The following PNKD variants were observed in gnomAD, a reference collection of about 807,000 sequenced individuals.
PNKD encodes PNKD metallo-beta-lactamase domain containing, also known as probable thioesterase PNKD.
In PNKD, 36 loss-of-function variants were observed where a neutral mutation model predicts 45.3. The observed-to-expected ratio is 0.80, with a 90% CI of 0.61 to 1.05. The LOEUF is 1.05. Ranked by LOEUF, PNKD falls within the 50% of genes least tolerant of loss-of-function variation. The pLI is 0.00. For synonymous variants in PNKD, 197 were observed against 210.1 expected (o/e 0.94, Z 0.54); for missense variants, 511 against 506.6 (o/e 1.01, Z -0.08).
Position 218,343,579 on chromosome 2 carries a change from G to T in PNKD, c.861G>T (p.Leu287=), listed in dbSNP as rs890955099. Residue 287 remains leucine (L), a synonymous_variant, in exon 8 of 10, where the codon CTG becomes CTT. Coordinates refer to ENST00000273077, the MANE Select transcript of PNKD (RefSeq NM_015488.5). ...TVLGLGDDTL[L]WPGHEYAEEN... Reference sequence around the variant, plus strand: ...TGGGGCTAGGGGATGACACCCTTCTGTGGCCTGGTGAGACACCCCCTTACT... The same window carrying T: ...TGGGGCTAGGGGATGACACCCTTCTTTGGCCTGGTGAGACACCCCCTTACT... 2 of 1,611,844 alleles carry T rather than the reference G, an allele frequency of 1.2e-6. No individual in the cohort carries two copies. Among genetic ancestry groups the T allele is most frequent in the Admixed American group, 1.7e-5 (1 of 59,770 alleles).
Position 218,340,613 on chromosome 2 carries a change from T to C in PNKD, c.466-115T>C. 2 of 805,412 alleles carry C rather than the reference T, an allele frequency of 2.5e-6. No homozygotes were observed. 49.9% of individuals were successfully genotyped at this position (805,412 alleles called of 1,614,324 possible). On this transcript the variant is annotated intron_variant, in intron 4 of 9. Coordinates refer to ENST00000273077, the MANE Select transcript of PNKD (RefSeq NM_015488.5). The surrounding 1 kb of genome is among the most constrained non-coding windows in gnomAD (Gnocchi z 4.2). Reference sequence around the variant, plus strand: ...CTCCAGCTCCATCCCTTTCCTCTGCTTCATCTCTCCATGCTCTCCTCTCCT... The same window carrying C: ...CTCCAGCTCCATCCCTTTCCTCTGCCTCATCTCTCCATGCTCTCCTCTCCT...
At chr2:218,281,961 G>A (rs1367000741) in intron 2 of PNKD, 7 of 1,601,080 alleles carry the variant, frequency 4.4e-6, no homozygotes, top group Non-Finnish European at 6.0e-6. Context: ...GGCATCGGGT[G>A]GGTGGGGGGC....
In PNKD at chr2:218,315,057, T is replaced by TCTTTCTTTCTTTCTTTCTTTCTTTCTTC. The variant is rs61429059; in HGVS notation, c.237-24723_237-24722insTCTTTCTTTCTTTCTTTCTTTCTTCCTT. ...CTTTCTTTTTCTTTCTTTCTTTCTTTCTTCCTTCCTTCCTTCCTTTCTTTC... is the reference window on the plus strand; with the variant it reads ...CTTTCTTTTTCTTTCTTTCTTTCTTTCTTTCTTTCTTTCTTTCTTTCTTTCTTCCTTCCTTCCTTCCTTCCTTTCTTTC... On this transcript the variant is annotated intron_variant, in intron 2 of 9. Transcript: ENST00000273077. 1.6e-3 allele frequency among the ~76,000 whole-genome samples: 90 copies of TCTTTCTTTCTTTCTTTCTTTCTTTCTTC among 55,616 alleles called. 9 individuals are homozygous for TCTTTCTTTCTTTCTTTCTTTCTTTCTTC. The highest frequency in any genetic ancestry group is 4.9e-3 in the African/African-American group (82 of 16,710). The allele number at this position is 55,616 out of a possible 152,430, so 36.5% of individuals were successfully genotyped here.
intron 2 of PNKD, among the ~76,000 whole-genome samples, chr2:218,315,202 C>T (rs1310904992): frequency 2.0e-5 from 3 of 149,708 alleles, no homozygotes; most frequent in Non-Finnish European, 3.0e-5. Context: ...AGTGCAGTGG[C>T]GTGATCTCAG....
At chr2:218,306,372 A>C (rs1173486531) in intron 2 of PNKD, among the ~76,000 whole-genome samples, 2 of 152,170 alleles carry the variant, frequency 1.3e-5, no homozygotes, top group African/African-American at 4.8e-5. Flanking sequence ...CCCTCTTATC[A>C]TTTCAGTCAT....
intron 2 of PNKD, chr2:218,280,199 A>G (rs768443297): frequency 1.8e-6 from 2 of 1,100,926 alleles, no homozygotes; most frequent in Admixed American, 1.7e-5. Context: ...CTCCCTGACA[A>G]TCTCAAAGTC....
At chr2:218,277,509 C>A in intron 2 of PNKD, 2 of 1,609,008 alleles carry the variant, frequency 1.2e-6, no homozygotes. Flanking sequence ...TGAATGACTT[C>A]AAAATCACCA....
At chr2:218,277,192 T>G (rs1691306637) in intron 2 of PNKD, 2 of 1,230,444 alleles carry the variant, frequency 1.6e-6, no homozygotes, top group Admixed American at 1.8e-5. Context: ...TGCTGCCTCC[T>G]AGGGGGTATG....
chr2:218,334,677 G>T, intron 2 of PNKD: 1 of 701,440 alleles, frequency 1.4e-6, no homozygotes. Context: ...TTGCATTTTT[G>T]GCACAAATAC....
chr2:218,270,596 C>A lies in PNKD; in HGVS notation c.61C>A (p.Leu21Ile). 1.9e-6 allele frequency: 2 copies of A among 1,060,908 alleles called. No homozygotes were observed. The highest frequency in any genetic ancestry group is 2.5e-6 in the Non-Finnish European group (2 of 804,734). 65.7% of individuals were successfully genotyped at this position (1,060,908 alleles called of 1,614,324 possible). A position where few individuals can be genotyped will look rare whatever the true frequency, so the allele number is the denominator to read the frequency against. ...KGRGARNARVLRGILAGATAN... is the reference protein window; with the variant it reads ...KGRGARNARVIRGILAGATAN... ...CCGGGGGGCGAGAAATGCCCGCGTC[C>A]TCCGGGGTAAGGAGAGGGACCCCGG... The change falls in exon 1 of 10, where the codon CTC becomes ATC. Residue 21 changes from leucine (L) to isoleucine (I), a missense_variant. By Grantham distance (5) the Leu-to-Ile change is conservative. Coordinates refer to ENST00000273077, the MANE Select transcript of PNKD (RefSeq NM_015488.5).
At chr2:218,305,587 T>C (rs1244706882) in intron 2 of PNKD, among the ~76,000 whole-genome samples, 3 of 152,100 alleles carry the variant, frequency 2.0e-5, no homozygotes, top group East Asian at 1.9e-4. Context: ...TCTAGACAAT[T>C]TTCCGATCCA....
chr2:218,324,997 CTTTTTTTTTTTTTTTTTT>C (rs1167758595), intron 2 of PNKD, among the ~76,000 whole-genome samples: 768 of 62,694 alleles, frequency 0.012, 22 homozygotes, highest in African/African-American at 0.045. Flanking sequence ...AAATAATTTT[CTTTTTTTTTTTTTTTTTT>C]TTTTTTTTTT....
At chr2:218,330,893 G>A (rs1427912673) in intron 2 of PNKD, among the ~76,000 whole-genome samples, 1 of 152,216 alleles carries the variant, frequency 6.6e-6, no homozygotes, top group African/African-American at 2.4e-5. Context: ...CCACATCTGG[G>A]CCTAGGGCAT....
intron 7 of PNKD, 60 bp from the exon 8 acceptor site, chr2:218,343,440 G>A: frequency 7.6e-7 from 1 of 1,319,042 alleles, no homozygotes; most frequent in Non-Finnish European, 1.1e-6. Context: ...GTCTGGGTGT[G>A]CCTTATGCCA....
intron 2 of PNKD, among the ~76,000 whole-genome samples, chr2:218,319,462 GC>G (rs1693922122): frequency 1.5e-5 from 2 of 131,346 alleles, no homozygotes; most frequent in South Asian, 2.6e-4. Context: ...TGCAACCTCC[GC>G]CTCTTAGGTT....
At chr2:218,323,405 C>T (rs1233927530) in intron 2 of PNKD, 1 of 1,574,038 alleles carries the variant, frequency 6.4e-7, no homozygotes, top group Non-Finnish European at 8.6e-7. Flanking sequence ...TCATGGCGCA[C>T]AGCCAGCGGC....
At chr2:218,315,094 C>CCT (rs1559521387) in intron 2 of PNKD, among the ~76,000 whole-genome samples, 4 of 101,636 alleles carry the variant, frequency 3.9e-5, no homozygotes, top group Admixed American at 1.2e-4. Flanking sequence ...CTCTCTCTCT[C>CCT]TCCTTCCTTC....
chr2:218,329,711 G>A (rs745500213), intron 2 of PNKD, among the ~76,000 whole-genome samples: 23 of 152,232 alleles, frequency 1.5e-4, no homozygotes, highest in Non-Finnish European at 2.8e-4. Context: ...AAGTCCCCAC[G>A]CCCCCAGGCA....
At position 218,343,597 on chromosome 2, in the gene PNKD, C is replaced by A. The variant is rs747484852; in HGVS notation, c.868+11C>A. On this transcript the variant is annotated intron_variant, in intron 8 of 9. Transcript: ENST00000273077. ...CCCTTCTGTGGCCTGGTGAGACACC[C>A]CCTTACTACTCCCCATCCTCCAGCC... 6.3e-7 allele frequency: 1 copy of A among 1,597,456 alleles called. No individual in the cohort carries two copies. The highest frequency in any genetic ancestry group is 1.3e-5 in the African/African-American group (1 of 74,624).
Sources: gnomAD v4.1 joint callset for allele counts (sites outside exome capture counted in the v4.1 genomes callset) on GRCh38, gnomAD v4.1.1 for gene constraint, Gnocchi (gnomAD v3.1) non-coding constraint, MANE v1.5 for transcripts, NCBI Gene and HGNC (gene_info 2026-07-23, HGNC 2026-07-21) for gene names.